Variants in BBS9 observed in about 807,000 individuals in gnomAD.
BBS9 encodes the protein Bardet-Biedl syndrome 9, also known as protein PTHB1.
In BBS9, 89 loss-of-function variants were observed where a neutral mutation model predicts 117.7. That is an observed-to-expected ratio of 0.76 (90% CI 0.64 to 0.90). The LOEUF is 0.90. BBS9 is among the 40% of genes least tolerant of loss of function. The pLI is 0.00. For missense variants in BBS9, 982 were observed against 1,042.2 expected (o/e 0.94, Z 0.80); for synonymous variants, 379 against 370.9 (o/e 1.02, Z -0.25).
At chr7:33,520,960 T>C (rs537864609) in intron 20 of BBS9, among the ~76,000 whole-genome samples, 129 of 152,324 alleles carry the variant, frequency 8.5e-4, no homozygotes, top group Admixed American at 4.8e-3. Flanking sequence ...AGCTTTCCCC[T>C]GGATTTGCAT....
chr7:33,454,030 C>G (rs1024186126), intron 19 of BBS9, among the ~76,000 whole-genome samples: 3 of 152,078 alleles, frequency 2.0e-5, no homozygotes, highest in African/African-American at 7.2e-5. Context: ...CCTCATTGTT[C>G]AAGTGTCAAC....
chr7:33,600,258 T>G (rs2700677), intron 21 of BBS9, among the ~76,000 whole-genome samples: 59,232 of 152,082 alleles, frequency 0.39, 14,459 homozygotes, highest in African/African-American at 0.66. Context: ...TTGAAAGGGC[T>G]TTTTTACGAC....
intron 21 of BBS9, among the ~76,000 whole-genome samples, chr7:33,628,180 C>T (rs1865730420): frequency 6.6e-6 from 1 of 152,076 alleles, no homozygotes; most frequent in Non-Finnish European, 1.5e-5. Flanking sequence ...CAGCATCATC[C>T]TGATACCCAA....
At chr7:33,468,089 A>T (rs1840446332) in intron 19 of BBS9, among the ~76,000 whole-genome samples, 1 of 152,108 alleles carries the variant, frequency 6.6e-6, no homozygotes, top group Non-Finnish European at 1.5e-5. Context: ...TGGAAGATAT[A>T]TATGTTCTTT....
intron 5 of BBS9, among the ~76,000 whole-genome samples, chr7:33,256,377 G>C (rs1200016418): frequency 1.3e-5 from 2 of 152,160 alleles, no homozygotes; most frequent in African/African-American, 4.8e-5. Flanking sequence ...ACTTATCCTA[G>C]AACATCTTTC....
chr7:33,386,998 C>T (rs1826155378), intron 18 of BBS9, among the ~76,000 whole-genome samples: 1 of 151,924 alleles, frequency 6.6e-6, no homozygotes, highest in Non-Finnish European at 1.5e-5. Context: ...ATAATGGTAG[C>T]ACATTATACA....
chr7:33,590,475 T>TTTTTA (rs1431588070), intron 21 of BBS9, among the ~76,000 whole-genome samples: 1 of 150,204 alleles, frequency 6.7e-6, no homozygotes, highest in Non-Finnish European at 1.5e-5. Context: ...TTTTTTTTTT[T>TTTTTA]TTACCAGATC....
At chr7:33,571,675 A>T (rs1027856412) in intron 21 of BBS9, among the ~76,000 whole-genome samples, 18 of 152,034 alleles carry the variant, frequency 1.2e-4, no homozygotes, top group African/African-American at 4.1e-4. Context: ...AACTCTTATC[A>T]TTTTGGAATT....
intron 5 of BBS9, among the ~76,000 whole-genome samples, chr7:33,236,949 A>G (rs1793632963): frequency 6.6e-6 from 1 of 152,186 alleles, no homozygotes; most frequent in Non-Finnish European, 1.5e-5. Flanking sequence ...TGTTTTACAC[A>G]TGCATACACA....
intron 9 of BBS9, among the ~76,000 whole-genome samples, chr7:33,333,784 G>C (rs1814673793): frequency 6.6e-6 from 1 of 152,004 alleles, no homozygotes; most frequent in Non-Finnish European, 1.5e-5. Flanking sequence ...GCTAATTTTT[G>C]TATTTTTAGT....
At chr7:33,146,164 A>T (rs1201561438) in intron 1 of BBS9, 78 bp from the exon 2 acceptor site, 1 of 993,814 alleles carries the variant, frequency 1.0e-6, no homozygotes, top group African/African-American at 1.6e-5. Flanking sequence ...GATCTGTCCA[A>T]GTTTAATTTG....
At chr7:33,281,542 TA>T (rs1010406022) in intron 9 of BBS9, among the ~76,000 whole-genome samples, 3 of 151,742 alleles carry the variant, frequency 2.0e-5, no homozygotes, top group African/African-American at 4.8e-5. Flanking sequence ...CTCAGTTAAT[TA>T]AAAATTCTTT....
chr7:33,466,612 T>C (rs567705323), intron 19 of BBS9, among the ~76,000 whole-genome samples: 11 of 152,142 alleles, frequency 7.2e-5, no homozygotes, highest in Middle Eastern at 6.8e-3. Flanking sequence ...TTGGCTGGAG[T>C]AATGATAGTC....
intron 9 of BBS9, among the ~76,000 whole-genome samples, chr7:33,285,645 A>C (rs1802742252): frequency 6.6e-6 from 1 of 152,126 alleles, no homozygotes; most frequent in Non-Finnish European, 1.5e-5. Context: ...AAGCACAAGA[A>C]TTGTGCTTAT....
intron 20 of BBS9, among the ~76,000 whole-genome samples, chr7:33,522,473 T>G (rs1260431854): frequency 4.6e-5 from 7 of 151,950 alleles, no homozygotes; most frequent in Admixed American, 2.0e-4. Context: ...ATTGTGGTTT[T>G]GATTTGCATT....
intron 5 of BBS9, among the ~76,000 whole-genome samples, chr7:33,184,497 C>T (rs1554333705): frequency 6.6e-6 from 1 of 152,202 alleles, no homozygotes; most frequent in Non-Finnish European, 1.5e-5. Context: ...AAGAAGAACT[C>T]TAACCTTCCT....
intron 5 of BBS9, among the ~76,000 whole-genome samples, chr7:33,190,949 A>G (rs1016986306): frequency 3.9e-5 from 6 of 152,206 alleles, no homozygotes; most frequent in East Asian, 1.9e-4. Context: ...AGACATGGCT[A>G]TCAGATGGCA....
chr7:33,618,994 G>A (rs1042556541), intron 21 of BBS9, among the ~76,000 whole-genome samples: 1 of 151,928 alleles, frequency 6.6e-6, no homozygotes, highest in East Asian at 1.9e-4. Flanking sequence ...CAACAAAATG[G>A]CAATAGAAGT....
intron 5 of BBS9, among the ~76,000 whole-genome samples, chr7:33,189,835 G>A (rs1358164824): frequency 4.0e-5 from 6 of 148,814 alleles, no homozygotes; most frequent in Non-Finnish European, 8.9e-5. Context: ...GCAGTGAGCC[G>A]AGATCGAGCC....
Sources: allele counts gnomAD v4.1 joint callset (sites outside exome capture counted in the v4.1 genomes callset), GRCh38; gene constraint gnomAD v4.1.1; transcripts MANE v1.5; gene names NCBI Gene and HGNC (gene_info 2026-07-23, HGNC 2026-07-21).